TTLL5: variants seen among roughly 807,000 people sequenced by gnomAD.
The protein encoded by TTLL5 is tubulin tyrosine ligase like 5.
TTLL5 carries 132 observed loss-of-function variants against 168.4 expected under a neutral mutation model. That is an observed-to-expected ratio of 0.78 (90% CI 0.68 to 0.91). The LOEUF (loss-of-function observed/expected upper bound fraction) is 0.91. Among genes scored for constraint, TTLL5 ranks in the 40% least tolerant of loss-of-function variants. The pLI is 0.00. For missense variants in TTLL5, 1,545 were observed against 1,581.5 expected (o/e 0.98, Z 0.39); for synonymous variants, 546 against 558.6 (o/e 0.98, Z 0.32).
chr14:75,837,512 T>C (rs2139830600), intron 28 of TTLL5: 1 of 152,294 alleles, frequency 6.6e-6, no homozygotes, highest in East Asian at 1.9e-4. Flanking sequence ...TACATTCACA[T>C]TGTGCAATCA....
chr14:75,696,174 G>C (rs1015977005), intron 6 of TTLL5, among the ~76,000 whole-genome samples: 6 of 152,058 alleles, frequency 3.9e-5, no homozygotes, highest in African/African-American at 1.4e-4. Context: ...ACAGGTGTGA[G>C]TGAGCCTATT....
chr14:75,683,807 T>C (rs1884813049), intron 5 of TTLL5, 151 bp downstream of exon 5: 2 of 542,898 alleles, frequency 3.7e-6, no homozygotes, highest in Non-Finnish European at 6.4e-6. Flanking sequence ...TGAGTATCGC[T>C]CTGTCACCCA....
intron 15 of TTLL5, among the ~76,000 whole-genome samples, chr14:75,742,311 G>A (rs1163256095): frequency 6.6e-6 from 1 of 152,084 alleles, no homozygotes; most frequent in Admixed American, 6.5e-5. Flanking sequence ...TACGTAATTT[G>A]AGATTTGAGG....
intron 3 of TTLL5, among the ~76,000 whole-genome samples, chr14:75,681,201 T>A (rs966081234): frequency 2.0e-5 from 3 of 152,230 alleles, no homozygotes; most frequent in Non-Finnish European, 2.9e-5. Context: ...TTTTGAGATA[T>A]ACTGTAAAAT....
rs1241975906 is a variant in TTLL5 at position 75,669,476 on chromosome 14, T to C, written c.135T>C (p.His45=). The C allele has an allele frequency of 6.2e-7, 1 of 1,614,194 alleles. No homozygotes were observed. The highest frequency in any genetic ancestry group is 1.1e-5 in the South Asian group (1 of 91,084). The change falls in exon 3 of 32, where the codon CAT becomes CAC. Residue 45 remains histidine, a synonymous_variant. Coordinates refer to ENST00000298832, the MANE Select transcript of TTLL5 (RefSeq NM_015072.5). The part of the protein sequence containing the change: ...GCRRIPVLVF[H]ADAILTKDNN... The stretch of plus-strand genomic sequence containing the variant: ...GGAGAATTCCAGTTTTGGTATTCCA[T>C]GCCGACGCTATTCTTACAAAGGACA...
chr14:75,917,999 C>T (rs1209086507), intron 31 of TTLL5, among the ~76,000 whole-genome samples: 1 of 152,164 alleles, frequency 6.6e-6, no homozygotes, highest in Non-Finnish European at 1.5e-5. Flanking sequence ...ACTGAGGAGC[C>T]AGGCTGCTCT....
At chr14:75,757,941 A>C (rs1890385989) in intron 18 of TTLL5, 1 of 1,334,688 alleles carries the variant, frequency 7.5e-7, no homozygotes, top group Non-Finnish European at 9.8e-7. Flanking sequence ...ACTAAGCATA[A>C]TACCTTATAT....
At chr14:75,756,696 A>G (rs1890283261) in intron 18 of TTLL5, among the ~76,000 whole-genome samples, 1 of 151,738 alleles carries the variant, frequency 6.6e-6, no homozygotes, top group Non-Finnish European at 1.5e-5. Flanking sequence ...TGTAGTAGAG[A>G]TGGGTTTCGC....
chr14:75,921,145 AT>A (rs2033811545), intron 31 of TTLL5, among the ~76,000 whole-genome samples: 1 of 152,098 alleles, frequency 6.6e-6, no homozygotes. Context: ...AGTTGGGTAG[AT>A]TGCAAAAATT....
chr14:75,696,690 TCTC>T (rs1445767749), intron 6 of TTLL5, among the ~76,000 whole-genome samples: 1 of 152,204 alleles, frequency 6.6e-6, no homozygotes, highest in Admixed American at 6.5e-5. Flanking sequence ...AAGACTCTTT[TCTC>T]CTCTTGTTCC....
intron 31 of TTLL5, among the ~76,000 whole-genome samples, chr14:75,907,593 T>C (rs1051456825): frequency 9.9e-5 from 15 of 152,188 alleles, no homozygotes; most frequent in African/African-American, 3.6e-4. Flanking sequence ...TTCATTTACA[T>C]TGGATCAGCA....
chr14:75,766,582 C>T (rs1012009727), intron 20 of TTLL5, among the ~76,000 whole-genome samples: 4 of 152,058 alleles, frequency 2.6e-5, no homozygotes, highest in Admixed American at 6.6e-5. Context: ...GATACAAACC[C>T]GGGTCTCATT....
intron 28 of TTLL5, among the ~76,000 whole-genome samples, chr14:75,827,707 C>CTTTTTTTTTCTTTTTTT (rs1895281447): frequency 1.9e-5 from 1 of 53,170 alleles, no homozygotes; most frequent in African/African-American, 8.0e-5. Flanking sequence ...TGGCTTGGTT[C>CTTTTTTTTTCTTTTTTT]TTTTTTTTTT....
intron 31 of TTLL5, among the ~76,000 whole-genome samples, chr14:75,949,837 G>A (rs2034900504): frequency 6.7e-6 from 1 of 150,124 alleles, no homozygotes; most frequent in African/African-American, 2.5e-5. Context: ...ACAATAGAGC[G>A]AGACTCTGTC....
intron 30 of TTLL5, among the ~76,000 whole-genome samples, chr14:75,887,996 G>A (rs953460697): frequency 2.6e-5 from 4 of 152,196 alleles, no homozygotes; most frequent in Admixed American, 6.5e-5. Flanking sequence ...CTGGGAGAGT[G>A]CATTCTAGGA....
chr14:75,904,214 A>G, intron 31 of TTLL5: 2 of 1,214,802 alleles, frequency 1.6e-6, no homozygotes, highest in Non-Finnish European at 2.1e-6. Context: ...AAAAAAAAAA[A>G]AAGGAAAGAA....
At chr14:75,925,877 G>A (rs556294490) in intron 31 of TTLL5, among the ~76,000 whole-genome samples, 4 of 152,134 alleles carry the variant, frequency 2.6e-5, no homozygotes, top group Admixed American at 6.5e-5. Context: ...AGCGAAACCC[G>A]TCTCCACCAA....
intron 29 of TTLL5, among the ~76,000 whole-genome samples, chr14:75,873,074 C>CTTT (rs71119401): frequency 9.1e-6 from 1 of 110,354 alleles, no homozygotes; most frequent in African/African-American, 3.5e-5. Flanking sequence ...ATCTCCAGAA[C>CTTT]TTTTTTTTTT....
At chr14:75,880,574 T>C (rs1432998613) in intron 29 of TTLL5, among the ~76,000 whole-genome samples, 1 of 152,142 alleles carries the variant, frequency 6.6e-6, no homozygotes, top group Non-Finnish European at 1.5e-5. Context: ...TCCCAAACAC[T>C]CCTTACACCT....
Sources: gnomAD v4.1 joint callset for allele counts (sites outside exome capture counted in the v4.1 genomes callset) on GRCh38, gnomAD v4.1.1 for gene constraint, MANE v1.5 for transcripts, NCBI Gene and HGNC (gene_info 2026-07-23, HGNC 2026-07-21) for gene names.